Variants in MAP7 observed in about 807,000 individuals in gnomAD.
The protein encoded by MAP7 is ensconsin.
A neutral mutation model predicts 94.8 loss-of-function variants in MAP7; 52 were observed. That is an observed-to-expected ratio of 0.55 (90% CI 0.44 to 0.69). MAP7 has a LOEUF of 0.69. Among genes scored for constraint, MAP7 ranks in the 30% least tolerant of loss-of-function variants. The probability of loss-of-function intolerance (pLI) is 0.00; values close to 1 mark genes in which losing one functional copy is unlikely to be tolerated. For missense variants in MAP7, 940 were observed against 964.6 expected (o/e 0.97, Z 0.34); for synonymous variants, 350 against 357.0 (o/e 0.98, Z 0.22).
chr6:136,414,228 G>A (rs1239499709), intron 2 of MAP7, among the ~76,000 whole-genome samples: 1 of 95,374 alleles, frequency 1.0e-5, no homozygotes, highest in South Asian at 3.7e-4. Flanking sequence ...ACTCCAGCCT[G>A]GGCGACAGAG....
Position 136,410,215 on chromosome 6 carries a change from GA to G in MAP7, c.244+1404del, listed in dbSNP as rs902447288. Among the ~76,000 whole-genome samples the G allele has an allele frequency of 9.9e-5, 15 of 151,968 alleles. 1 individual carries two copies. The highest frequency in any genetic ancestry group is 8.5e-4 in the Admixed American group (13 of 15,252). On this transcript the variant is annotated intron_variant, in intron 3 of 17. Transcript: ENST00000354570. Reference sequence around the variant, plus strand: ...GAACTCCTTCTATTCAAGCAGATATGAATCCACGCTATAACTAAAGAGATCT... The same window carrying G: ...GAACTCCTTCTATTCAAGCAGATATGATCCACGCTATAACTAAAGAGATCT...
At chr6:136,497,843 C>T (rs1208341940) in intron 1 of MAP7, among the ~76,000 whole-genome samples, 1 of 147,542 alleles carries the variant, frequency 6.8e-6, no homozygotes, top group Non-Finnish European at 1.5e-5. Flanking sequence ...CTGAGCCAGA[C>T]AAAGGCATGA....
At chr6:136,475,248 A>G (rs1026712386) in intron 1 of MAP7, among the ~76,000 whole-genome samples, 4 of 152,258 alleles carry the variant, frequency 2.6e-5, no homozygotes, top group Non-Finnish European at 5.9e-5. Context: ...GACAGGTTTT[A>G]CCAATTTACT....
rs1219770255 is a variant in MAP7, at chr6:136,343,551, C to T, written c.*677G>A. 3 of 152,512 alleles carry T rather than the reference C, an allele frequency of 2.0e-5. No individual in the cohort carries two copies. The highest frequency in any genetic ancestry group is 4.4e-5 in the Non-Finnish European group (3 of 68,016). 9.4% of individuals were successfully genotyped at this position (152,512 alleles called of 1,614,324 possible). On this transcript the variant is annotated 3_prime_UTR_variant, in exon 18 of 18. Transcript: ENST00000354570. ...TTTATCTGGAAAAACTTTATAAATA[C>T]ATTATGTAAGAGGGCAGTAAATTAT...
At chr6:136,449,689 A>G (rs1029982105) in intron 1 of MAP7, among the ~76,000 whole-genome samples, 1 of 152,218 alleles carries the variant, frequency 6.6e-6, no homozygotes, top group African/African-American at 2.4e-5. Flanking sequence ...AACTAAAAAT[A>G]TGTAAGGAGT....
chr6:136,383,536 A>T, intron 6 of MAP7, 135 bp downstream of exon 6: 1 of 517,868 alleles, frequency 1.9e-6, no homozygotes, highest in Admixed American at 4.2e-5. Context: ...TTGCTTTTTT[A>T]CTCTGAAGTT....
chr6:136,421,680 A>G, intron 2 of MAP7, 21 bp downstream of exon 2: 1 of 1,586,056 alleles, frequency 6.3e-7, no homozygotes, highest in Non-Finnish European at 8.7e-7. Flanking sequence ...ATTTTCCCAC[A>G]GTTAATGCAA....
intron 1 of MAP7, among the ~76,000 whole-genome samples, chr6:136,469,713 C>A (rs1054601185): frequency 6.6e-6 from 1 of 152,140 alleles, no homozygotes; most frequent in African/African-American, 2.4e-5. Context: ...TACTATATAG[C>A]AAAACTACAT....
intron 7 of MAP7, among the ~76,000 whole-genome samples, chr6:136,374,140 T>C (rs562713546): frequency 6.6e-6 from 1 of 152,372 alleles, no homozygotes; most frequent in African/African-American, 2.4e-5. Context: ...CACTTTTTCA[T>C]TTCTTCAGTT....
At chr6:136,411,175 G>C (rs1787328093) in intron 3 of MAP7, among the ~76,000 whole-genome samples, 1 of 152,176 alleles carries the variant, frequency 6.6e-6, no homozygotes, top group Non-Finnish European at 1.5e-5. Context: ...GGTAATAAGA[G>C]AAAAATCAGA....
rs971206533 is a variant in MAP7, at chr6:136,456,611, G to T, written c.68-34812C>A. On this transcript the variant is annotated intron_variant, in intron 1 of 17. Coordinates refer to ENST00000354570, the MANE Select transcript of MAP7 (RefSeq NM_003980.6). Reference sequence around the variant, plus strand: ...CACCTGATCCCAGGAGATCAAGGCTGCAGTGGTCCATGATTATGCTATAGC... The same window carrying T: ...CACCTGATCCCAGGAGATCAAGGCTTCAGTGGTCCATGATTATGCTATAGC... Among the ~76,000 whole-genome samples the T allele has an allele frequency of 3.3e-5, 5 of 151,780 alleles. No individual in the cohort carries two copies. In the South Asian group the frequency reaches 1.0e-3, roughly 32 times the overall value.
chr6:136,360,688 C>T lies in MAP7; in HGVS notation c.1803+9G>A. 4 of 1,613,664 alleles carry T rather than the reference C, an allele frequency of 2.5e-6. No individual in the cohort carries two copies. The highest frequency in any genetic ancestry group is 2.2e-5 in the East Asian group (1 of 44,860). On this transcript the variant is annotated intron_variant, in intron 13 of 17. Transcript: ENST00000354570. ...CGCGTCCCGGGCCTCTCTACTAAGA[C>T]GCAGCTACCTTCTTTCTCTCCAGGC... is the stretch of plus-strand genomic sequence containing the variant.
chr6:136,392,317 G>T (rs937146246), intron 3 of MAP7, among the ~76,000 whole-genome samples: 1 of 151,428 alleles, frequency 6.6e-6, no homozygotes, highest in African/African-American at 2.4e-5. Flanking sequence ...CAGCTCAAGG[G>T]ATCCACCTGT....
At chr6:136,466,839 T>C in intron 1 of MAP7, 2 of 1,533,372 alleles carry the variant, frequency 1.3e-6, no homozygotes, top group East Asian at 2.4e-5. Flanking sequence ...TCCCTCTTCT[T>C]GCTTTGTGTC....
intron 1 of MAP7, among the ~76,000 whole-genome samples, chr6:136,455,139 A>T (rs1369327271): frequency 1.3e-5 from 2 of 151,904 alleles, no homozygotes; most frequent in Non-Finnish European, 2.9e-5. Flanking sequence ...TACTCTGAAA[A>T]GGAATATTAG....
At chr6:136,368,014 G>A (rs78378651) in intron 8 of MAP7, among the ~76,000 whole-genome samples, 7,260 of 151,996 alleles carry the variant, frequency 0.048, 346 homozygotes, top group African/African-American at 0.12. Context: ...TATTATCTGT[G>A]CCTTGATAAT....
chr6:136,538,131 T>C (rs1050572845), intron 1 of MAP7, among the ~76,000 whole-genome samples: 3 of 152,204 alleles, frequency 2.0e-5, no homozygotes, highest in Non-Finnish European at 4.4e-5. Flanking sequence ...GAACAAGATA[T>C]CATTTTCTTA....
intron 1 of MAP7, among the ~76,000 whole-genome samples, chr6:136,425,791 T>C (rs541677513): frequency 1.3e-5 from 2 of 152,306 alleles, no homozygotes; most frequent in Admixed American, 1.3e-4. Flanking sequence ...TAATTATAAG[T>C]GAAGTTGGGC....
intron 1 of MAP7, among the ~76,000 whole-genome samples, chr6:136,542,957 G>A (rs773005381): frequency 1.3e-5 from 2 of 152,096 alleles, no homozygotes; most frequent in Non-Finnish European, 2.9e-5. Flanking sequence ...CAAAACTAAC[G>A]ATACTAAGTA....
Sources: allele counts gnomAD v4.1 joint callset (sites outside exome capture counted in the v4.1 genomes callset), GRCh38; gene constraint gnomAD v4.1.1; transcripts MANE v1.5; gene names NCBI Gene and HGNC (gene_info 2026-07-23, HGNC 2026-07-21).